The following FSTL4 variants were observed in gnomAD, a reference collection of about 807,000 sequenced individuals.
FSTL4 encodes follistatin like 4, also known as follistatin-related protein 4.
In FSTL4, 28 loss-of-function variants were observed where a neutral mutation model predicts 78.2. The observed-to-expected ratio is 0.36, with a 90% CI of 0.27 to 0.49. The LOEUF (loss-of-function observed/expected upper bound fraction) is 0.49, where lower values mean the gene tolerates loss of function less well. Among genes scored for constraint, FSTL4 ranks in the 20% least tolerant of loss-of-function variants. The pLI, the probability that FSTL4 is intolerant of heterozygous loss-of-function variation, is 0.98. For synonymous variants in FSTL4, 422 were observed against 440.5 expected, an observed-to-expected ratio of 0.96 and a Z score of 0.53; for missense variants, 922 against 1,084.9, an observed-to-expected ratio of 0.85 and a Z score of 2.11.
chr5:133,242,156 C>T (rs1229257879), intron 7 of FSTL4, among the ~76,000 whole-genome samples: 1 of 152,210 alleles, frequency 6.6e-6, no homozygotes, highest in Non-Finnish European at 1.5e-5. Context: ...TTACTGCAGT[C>T]TTGTTTGCTG....
In FSTL4 at chr5:133,225,369, C is replaced by T; in HGVS notation, c.1178-85G>A. On this transcript the variant is annotated intron_variant, in intron 9 of 15. Transcript: ENST00000265342. The surrounding 1 kb of genome is among the most constrained non-coding windows in gnomAD (Gnocchi z 4.6). ...TATGGGGCCATTGAGAGTGTTAGGGCTGCCCAGCCCCTGGGCAGCCAGCAG... is the reference window on the plus strand; with the variant it reads ...TATGGGGCCATTGAGAGTGTTAGGGTTGCCCAGCCCCTGGGCAGCCAGCAG... 6.5e-7 allele frequency: 1 copy of T among 1,535,190 alleles called. No individual in the cohort carries two copies. Among genetic ancestry groups the T allele is most frequent in the Non-Finnish European group, 8.9e-7 (1 of 1,117,988 alleles).
chr5:133,647,444 C>A, the FSTL4 span, among the ~76,000 whole-genome samples: 2 of 152,284 alleles, frequency 1.3e-5, no homozygotes, highest in African/African-American at 2.4e-5. Context: ...TTCCAGGGAG[C>A]AGAGACAAAG....
rs1016434325 is a variant in FSTL4 at position 133,600,719 on chromosome 5, G to A, written c.126+3139C>T. On this transcript the variant is annotated intron_variant, in intron 2 of 15. Transcript: ENST00000265342. The stretch of plus-strand genomic sequence containing the variant: ...TCATTTAATTCTTATTTACCCTTAG[G>A]TCAATCAAGTAATTGGTATAATAAC... Among the ~76,000 whole-genome samples, 3 of 152,238 alleles carry A rather than the reference G, an allele frequency of 2.0e-5. No individual in the cohort carries two copies. In the East Asian group the frequency reaches 5.8e-4, roughly 29 times the overall value.
intron 4 of FSTL4, among the ~76,000 whole-genome samples, chr5:133,376,408 T>C (rs1366718483): frequency 6.6e-6 from 1 of 152,204 alleles, no homozygotes; most frequent in Non-Finnish European, 1.5e-5. Context: ...CATTATACCA[T>C]TCACAACACA....
chr5:133,291,184 C>A lies in FSTL4; in HGVS notation c.727+21470G>T, dbSNP rs553731562. On this transcript the variant is annotated intron_variant, in intron 6 of 15. Transcript: ENST00000265342. Reference sequence around the variant, plus strand: ...AGGGGAGGGGAGTTTGGGGGAAGAGCGGGCCGTTGAGTCACACTAAGTGTG... The same window carrying A: ...AGGGGAGGGGAGTTTGGGGGAAGAGAGGGCCGTTGAGTCACACTAAGTGTG... Among the ~76,000 whole-genome samples the A allele has an allele frequency of 2.2e-4, 33 of 152,206 alleles. No individual in the cohort carries two copies. The South Asian group carries it at 6.8e-3, about 32-fold the overall frequency.
intron 3 of FSTL4, among the ~76,000 whole-genome samples, chr5:133,481,509 T>C (rs1293118796): frequency 8.2e-6 from 1 of 121,710 alleles, no homozygotes; most frequent in Non-Finnish European, 1.6e-5. Context: ...GCCCCTGCAC[T>C]CCAGCCCGGG....
the FSTL4 span, among the ~76,000 whole-genome samples, chr5:133,780,820 T>C: frequency 6.6e-6 from 1 of 152,024 alleles, no homozygotes. Context: ...ACACGGCTGG[T>C]AGGAGATGTG....
chr5:133,612,730 G>A (rs1327030036), upstream of FSTL4, among the ~76,000 whole-genome samples: 1 of 152,090 alleles, frequency 6.6e-6, no homozygotes, highest in Non-Finnish European at 1.5e-5. The surrounding 1 kb of genome is among the most constrained non-coding windows in gnomAD (Gnocchi z 6.2). Flanking sequence ...GGCCCGGAGG[G>A]AGGAGGGCCA....
the FSTL4 span, among the ~76,000 whole-genome samples, chr5:133,713,132 A>T: frequency 7.2e-5 from 11 of 152,232 alleles, no homozygotes; most frequent in Non-Finnish European, 1.5e-4. Flanking sequence ...TACAAAACCC[A>T]TAGTGAAAGG....
rs554095006 is a variant in FSTL4 at position 133,225,171 on chromosome 5, C to T, written c.1291G>A (p.Glu431Lys). ...VDEDISSLFIEDSARKTLANI... is the reference protein window; with the variant it reads ...VDEDISSLFIKDSARKTLANI... ...TTACGGGTCTTTCTAGCTGAGTCTTCAATGAAGAGCGAGGAGATATCTTCA... is the reference window on the plus strand; with the variant it reads ...TTACGGGTCTTTCTAGCTGAGTCTTTAATGAAGAGCGAGGAGATATCTTCA... The change falls in exon 10 of 16, where the codon GAA (glutamate) becomes AAA (lysine). Residue 431 changes from glutamate (E) to lysine (K), a missense_variant. By Grantham distance (56) the Glu-to-Lys change is moderately conservative. Coordinates refer to ENST00000265342, the MANE Select transcript of FSTL4 (RefSeq NM_015082.2). The surrounding 1 kb of genome is among the most constrained non-coding windows in gnomAD (Gnocchi z 4.6). 1 of 1,614,082 alleles carries T rather than the reference C, an allele frequency of 6.2e-7. No homozygotes were observed. Among genetic ancestry groups the T allele is most frequent in the African/African-American group, 1.3e-5 (1 of 74,920 alleles).
intron 6 of FSTL4, among the ~76,000 whole-genome samples, chr5:133,312,186 T>C (rs1233040019): frequency 2.6e-5 from 4 of 152,166 alleles, no homozygotes; most frequent in Non-Finnish European, 4.4e-5. Context: ...CTCTTCACAT[T>C]GGACCCTCAC....
At chr5:133,622,572 T>C in the FSTL4 span, among the ~76,000 whole-genome samples, 2 of 152,206 alleles carry the variant, frequency 1.3e-5, no homozygotes, top group Admixed American at 1.3e-4. Flanking sequence ...AGTGATTCCA[T>C]TTCTCTGCAT....
At chr5:133,589,303 A>AAAAAAAAAAT in intron 2 of FSTL4, among the ~76,000 whole-genome samples, 1 of 145,804 alleles carries the variant, frequency 6.9e-6, no homozygotes, top group African/African-American at 2.5e-5. Flanking sequence ...AAAAAAAAAG[A>AAAAAAAAAAT]TCAAGGCCCC....
At chr5:133,489,184 G>C (rs1347330591) in intron 3 of FSTL4, among the ~76,000 whole-genome samples, 1 of 152,308 alleles carries the variant, frequency 6.6e-6, no homozygotes, top group African/African-American at 2.4e-5. Flanking sequence ...AGACCCTCTG[G>C]AGAACCCGTT....
chr5:133,776,648 T>C, the FSTL4 span, among the ~76,000 whole-genome samples: 1 of 152,222 alleles, frequency 6.6e-6, no homozygotes, highest in Non-Finnish European at 1.5e-5. Flanking sequence ...CAGCTTCTCC[T>C]TGACTGCCCA....
the FSTL4 span, among the ~76,000 whole-genome samples, chr5:133,825,981 G>A: frequency 6.6e-6 from 1 of 152,364 alleles, no homozygotes; most frequent in East Asian, 1.9e-4. Context: ...GGCTGCAGAA[G>A]GGGTGTGCCA....
At chr5:133,217,121 G>A in intron 13 of FSTL4, 108 bp downstream of exon 13, 1 of 842,660 alleles carries the variant, frequency 1.2e-6, no homozygotes, top group East Asian at 2.5e-5. Flanking sequence ...TCTCCCTTCA[G>A]TCTGACCACC....
the FSTL4 span, among the ~76,000 whole-genome samples, chr5:133,670,993 T>G: frequency 3.3e-5 from 5 of 152,124 alleles, no homozygotes; most frequent in Admixed American, 6.5e-5. Context: ...CTTTGGCAGA[T>G]AGAATGAGGA....
At chr5:133,314,395 G>A (rs546140181) in intron 5 of FSTL4, among the ~76,000 whole-genome samples, 2 of 152,344 alleles carry the variant, frequency 1.3e-5, no homozygotes, top group African/African-American at 2.4e-5. Context: ...GGGCTTGCGC[G>A]AGCCACTCAG....
Sources: gnomAD v4.1 joint callset for allele counts (sites outside exome capture counted in the v4.1 genomes callset) on GRCh38, gnomAD v4.1.1 for gene constraint, Gnocchi (gnomAD v3.1) non-coding constraint, MANE v1.5 for transcripts, NCBI Gene and HGNC (gene_info 2026-07-23, HGNC 2026-07-21) for gene names.